The following VEPH1 variants were observed in gnomAD, a reference collection of about 807,000 sequenced individuals.
VEPH1 encodes the protein ventricular zone expressed PH domain containing 1.
Under a neutral mutation model 85.2 loss-of-function variants are expected in VEPH1, and 80 were observed. The ratio of observed to expected loss-of-function variants is 0.94; its 90% CI spans 0.78 to 1.13. The LOEUF is 1.13. Among genes scored for constraint, VEPH1 ranks in the 50% most tolerant of loss-of-function variants. VEPH1 has a pLI of 0.00. For synonymous variants in VEPH1, 297 were observed against 348.0 expected (o/e 0.85, Z 1.63); for missense variants, 955 against 980.5 (o/e 0.97, Z 0.35).
Position 157,265,450 on chromosome 3 carries a change from C to G in VEPH1, c.2265+76G>C. 2.7e-6 allele frequency: 4 copies of G among 1,496,996 alleles called. No individual in the cohort carries two copies. The South Asian group carries it at 3.9e-5, about 15-fold the overall frequency. The allele number at this position is 1,496,996 out of a possible 1,614,324, so 92.7% of individuals were successfully genotyped here. A position where few individuals can be genotyped will look rare whatever the true frequency, so the allele number is the denominator to read the frequency against. On this transcript the variant is annotated intron_variant, in intron 13 of 13. Coordinates refer to ENST00000362010, the MANE Select transcript of VEPH1 (RefSeq NM_001167912.2). ...TGGAAAAATTATTAGAGTTTAAACC[C>G]AAGACAAAACGTTTAGCTATTGGTG... is the stretch of plus-strand genomic sequence containing the variant.
intron 2 of VEPH1, among the ~76,000 whole-genome samples, chr3:157,487,130 A>T (rs529488170): frequency 6.6e-6 from 1 of 152,194 alleles, no homozygotes; most frequent in South Asian, 2.1e-4. Context: ...CAGCAGAATA[A>T]AGCTACAGAA....
At chr3:157,379,914 C>G (rs906302249) in intron 7 of VEPH1, among the ~76,000 whole-genome samples, 2 of 152,178 alleles carry the variant, frequency 1.3e-5, no homozygotes, top group African/African-American at 4.8e-5. Flanking sequence ...GACATCTGCC[C>G]TTCTTGCCTT....
rs138456629 is a variant in VEPH1 at position 157,364,456 on chromosome 3, A to G, written c.1184T>C (p.Ile395Thr). 2.9e-5 allele frequency: 47 copies of G among 1,613,894 alleles called. No homozygotes were observed. Among genetic ancestry groups the G allele is most frequent in the Middle Eastern group, 3.3e-4 (2 of 6,078 alleles). Residue 395 changes from isoleucine to threonine, a missense_variant, in exon 8 of 14, where the codon ATA becomes ACA. Coordinates refer to ENST00000362010, the MANE Select transcript of VEPH1 (RefSeq NM_001167912.2). ...TTCATGGTCTTCATTTTCAGTTACT[A>G]TGAGCTTGGTTTCTTCCAGTTTCTC... Reference protein sequence around the residue: ...FPEKLEETKLIVTENEDHEKL... With the variant: ...FPEKLEETKLTVTENEDHEKL...
rs540162226 is a variant in VEPH1, at chr3:157,330,686, C to G, written c.1736-13485G>C. ...AAGGAGCCTAAAAAGACCACGTGCT[C>G]CAGCTGTAGGGATCATGGAGCCTTG... On this transcript the variant is annotated intron_variant, in intron 9 of 13. Transcript: ENST00000362010. Among the ~76,000 whole-genome samples, 72 of 152,268 alleles carry G rather than the reference C, an allele frequency of 4.7e-4. No homozygotes were observed. The South Asian group carries it at 0.015, about 31-fold the overall frequency.
rs748206479 is a variant in VEPH1, at chr3:157,265,575, C to T, written c.2216G>A (p.Arg739His). The part of the protein sequence containing the change: ...RWKFIKRWKT[R>H]YFTLAGNQLL... ...TTGATTTCCAGCCAGTGTAAAATAG[C>T]GTGTTTTCCACCTTTTGATGAACTT... The change falls in exon 13 of 14, where the codon CGC (arginine) becomes CAC (histidine). Residue 739 changes from arginine to histidine, a missense_variant. Coordinates refer to ENST00000362010, the MANE Select transcript of VEPH1 (RefSeq NM_001167912.2). 1.8e-5 allele frequency: 29 copies of T among 1,613,314 alleles called. No individual in the cohort carries two copies. The highest frequency in any genetic ancestry group is 2.2e-5 in the East Asian group (1 of 44,846).
intron 4 of VEPH1, among the ~76,000 whole-genome samples, chr3:157,452,518 C>T (rs1735058669): frequency 6.6e-6 from 1 of 152,142 alleles, no homozygotes; most frequent in African/African-American, 2.4e-5. Context: ...AGTGGGTTGT[C>T]ACAGGAAACA....
At chr3:157,272,623 G>A in intron 12 of VEPH1, among the ~76,000 whole-genome samples, 1 of 92,098 alleles carries the variant, frequency 1.1e-5, no homozygotes, top group South Asian at 4.0e-4. Flanking sequence ...ACATCTGGCT[G>A]GTTTTAAAAA....
intron 7 of VEPH1, among the ~76,000 whole-genome samples, chr3:157,376,089 T>C (rs1003522007): frequency 4.6e-5 from 7 of 151,846 alleles, no homozygotes; most frequent in African/African-American, 1.7e-4. Context: ...TTTCCTTGGG[T>C]CTCCCCTTCT....
At chr3:157,470,104 A>G (rs1463783348) in intron 3 of VEPH1, among the ~76,000 whole-genome samples, 1 of 152,132 alleles carries the variant, frequency 6.6e-6, no homozygotes, top group Non-Finnish European at 1.5e-5. Context: ...TATTACTTGA[A>G]TTCCCTACAG....
chr3:157,347,082 T>C (rs1172520115), intron 9 of VEPH1, among the ~76,000 whole-genome samples: 9 of 152,192 alleles, frequency 5.9e-5, no homozygotes, highest in South Asian at 4.1e-4. Flanking sequence ...GATACTTGAA[T>C]TACTAAGAAA....
intron 12 of VEPH1, among the ~76,000 whole-genome samples, chr3:157,274,354 T>C (rs1715107043): frequency 6.6e-6 from 1 of 152,196 alleles, no homozygotes; most frequent in Admixed American, 6.5e-5. Flanking sequence ...TAATGGCCTA[T>C]ATCAAAGTGT....
At chr3:157,482,407 G>C (rs1312710771) in intron 2 of VEPH1, among the ~76,000 whole-genome samples, 1 of 152,066 alleles carries the variant, frequency 6.6e-6, no homozygotes, top group Non-Finnish European at 1.5e-5. Context: ...TGTATTTTTA[G>C]TAGAGACAGG....
At chr3:157,427,397 C>T (rs1364608016) in intron 5 of VEPH1, among the ~76,000 whole-genome samples, 5 of 152,290 alleles carry the variant, frequency 3.3e-5, no homozygotes, top group African/African-American at 4.8e-5. Context: ...GCATTACAGG[C>T]GTGAGCCACT....
chr3:157,465,891 T>A (rs1019676476), intron 3 of VEPH1, among the ~76,000 whole-genome samples: 7 of 152,160 alleles, frequency 4.6e-5, no homozygotes, highest in African/African-American at 1.7e-4. Flanking sequence ...TCATCAACAG[T>A]GGTAGCAGAG....
intron 4 of VEPH1, among the ~76,000 whole-genome samples, chr3:157,449,066 G>A (rs62278649): frequency 0.38 from 58,372 of 152,020 alleles, 11,975 homozygotes; most frequent in East Asian, 0.58. Flanking sequence ...CCCTAGCCAC[G>A]TGGAACTGTG....
chr3:157,490,991 C>T (rs753655366), intron 2 of VEPH1, among the ~76,000 whole-genome samples: 36 of 152,052 alleles, frequency 2.4e-4, no homozygotes, highest in Admixed American at 6.6e-4. Context: ...ATCTCAAAAA[C>T]GTAATTTGAG....
intron 7 of VEPH1, among the ~76,000 whole-genome samples, chr3:157,369,192 A>AAAAAAAAAAAAAAAAAAAAAAAAAAAAC (rs1553773117): frequency 7.0e-6 from 1 of 142,700 alleles, no homozygotes. Context: ...AAAAAAAAAA[A>AAAAAAAAAAAAAAAAAAAAAAAAAAAAC]AAAAAAAAAA....
Position 157,390,761 on chromosome 3 carries a change from C to T in VEPH1, c.907-9385G>A, listed in dbSNP as rs1319528821. Among the ~76,000 whole-genome samples, 5 of 152,330 alleles carry T rather than the reference C, an allele frequency of 3.3e-5. No homozygotes were observed. The East Asian group carries it at 7.7e-4, about 24-fold the overall frequency. ...CTGAAACATGTTTCTGGCCAGCCCA[C>T]CAAGCTGTGGGTGGTGACCTGTTCC... On this transcript the variant is annotated intron_variant, in intron 6 of 13. Transcript: ENST00000362010.
intron 2 of VEPH1, among the ~76,000 whole-genome samples, chr3:157,488,854 C>G (rs1278029359): frequency 6.6e-6 from 1 of 151,122 alleles, no homozygotes; most frequent in African/African-American, 2.4e-5. Context: ...TCGTCTTCAT[C>G]TTAATTATTG....
Sources: gnomAD v4.1 joint callset for allele counts (sites outside exome capture counted in the v4.1 genomes callset) on GRCh38, gnomAD v4.1.1 for gene constraint, MANE v1.5 for transcripts, NCBI Gene and HGNC (gene_info 2026-07-23, HGNC 2026-07-21) for gene names.